Variants in TTC12 observed in about 807,000 individuals in gnomAD.
TTC12 encodes tetratricopeptide repeat domain 12.
Under a neutral mutation model 90.1 loss-of-function variants are expected in TTC12, and 70 were observed. That is an observed-to-expected ratio of 0.78 (90% CI 0.64 to 0.95). The LOEUF (loss-of-function observed/expected upper bound fraction) is 0.95. Among genes scored for constraint, TTC12 ranks in the 40% least tolerant of loss-of-function variants. The pLI is 0.00. For synonymous variants in TTC12, 296 were observed against 311.5 expected (o/e 0.95, Z 0.53); for missense variants, 819 against 846.1 (o/e 0.97, Z 0.40).
chr11:113,349,675 C>T (rs886648655), intron 13 of TTC12, among the ~76,000 whole-genome samples: 4 of 152,096 alleles, frequency 2.6e-5, no homozygotes, highest in East Asian at 1.9e-4. Flanking sequence ...ATCTTTATTC[C>T]GTCACCCACC....
At chr11:113,365,109 T>C (rs1193361697) in intron 21 of TTC12, 49 bp downstream of exon 21, 1 of 1,551,576 alleles carries the variant, frequency 6.4e-7, no homozygotes, top group Non-Finnish European at 8.9e-7. Flanking sequence ...AAAGAGCAGC[T>C]GAGCTGAGGT....
At chr11:113,323,527 A>T in intron 3 of TTC12, 76 bp downstream of exon 3, 3 of 997,876 alleles carry the variant, frequency 3.0e-6, no homozygotes, top group Non-Finnish European at 1.4e-6. Flanking sequence ...TTTAATCTCA[A>T]ACTGTCCAGC....
intron 17 of TTC12, 125 bp from the exon 18 acceptor site, chr11:113,359,815 T>G (rs1555154004): frequency 1.4e-6 from 1 of 702,324 alleles, no homozygotes; most frequent in Non-Finnish European, 2.4e-6. Context: ...AAAGATGGTG[T>G]TGTGAGGGAA....
In TTC12 at chr11:113,335,055, T is replaced by C. The variant is rs1255860570; in HGVS notation, c.576+18T>C. 1.3e-6 allele frequency: 2 copies of C among 1,589,616 alleles called. No homozygotes were observed. The highest frequency in any genetic ancestry group is 1.7e-6 in the Non-Finnish European group (2 of 1,157,894). On this transcript the variant is annotated intron_variant, in intron 8 of 21. Coordinates refer to ENST00000529221, the MANE Select transcript of TTC12 (RefSeq NM_017868.4). ...ACAGTGTGGTAAGTTCTTAGAGGAA[T>C]GTAATTGACATGTTTGATCACAGAC...
chr11:113,317,279 A>G (rs1285055446), intron 2 of TTC12, among the ~76,000 whole-genome samples: 2 of 152,162 alleles, frequency 1.3e-5, no homozygotes, highest in Admixed American at 1.3e-4. Flanking sequence ...TGTGTCCAAA[A>G]TTGAGGCATC....
At chr11:113,362,307 ATTGCTT>A in intron 18 of TTC12, 88 bp from the exon 19 acceptor site, 1 of 835,778 alleles carries the variant, frequency 1.2e-6, no homozygotes, top group Non-Finnish European at 2.0e-6. Flanking sequence ...CAATATAATG[ATTGCTT>A]TTGCCTCACC....
In TTC12 at chr11:113,364,890, C is replaced by T. The variant is rs770456534; in HGVS notation, c.1872C>T (p.Asn624=). ...LSSEDEVLVG[N]AALCLGNCME... ...CGGAGGATGAGGTTCTGGTGGGCAA[C>T]GCTGCCCTCTGCCTTGGTAACTGCA... is the stretch of plus-strand genomic sequence containing the variant. Residue 624 remains asparagine, a synonymous_variant, in exon 21 of 22, where the codon AAC becomes AAT. Transcript: ENST00000529221. 9.9e-6 allele frequency: 16 copies of T among 1,614,082 alleles called. No individual in the cohort carries two copies. Among genetic ancestry groups the T allele is most frequent in the African/African-American group, 2.7e-5 (2 of 74,926 alleles).
intron 21 of TTC12, 47 bp from the exon 22 acceptor site, chr11:113,366,178 T>G (rs1340288513): frequency 1.2e-6 from 2 of 1,605,506 alleles, no homozygotes; most frequent in Non-Finnish European, 1.7e-6. Flanking sequence ...TCCAGAAGCC[T>G]GAACCGTGGC....
chr11:113,358,468 G>C (rs961211062), intron 16 of TTC12, among the ~76,000 whole-genome samples: 6 of 152,178 alleles, frequency 3.9e-5, no homozygotes, highest in Non-Finnish European at 8.8e-5. Context: ...AGACTGCTCA[G>C]CAAGCAGGTG....
At chr11:113,349,889 A>T (rs782472618) in intron 13 of TTC12, among the ~76,000 whole-genome samples, 184 bp from the exon 14 acceptor site, 2 of 152,118 alleles carry the variant, frequency 1.3e-5, no homozygotes, top group Non-Finnish European at 2.9e-5. Flanking sequence ...GGAGCCAACC[A>T]CTTAAGAGTA....
At chr11:113,360,401 T>C (rs1315671380) in intron 18 of TTC12, among the ~76,000 whole-genome samples, 2 of 151,674 alleles carry the variant, frequency 1.3e-5, no homozygotes, top group Non-Finnish European at 1.5e-5. Flanking sequence ...AATCCCTTTT[T>C]TCCATAAGAA....
At position 113,339,269 on chromosome 11, in the gene TTC12, C is replaced by G; in HGVS notation, c.638-17C>G. 1 of 1,581,520 alleles carries G rather than the reference C, an allele frequency of 6.3e-7. No individual in the cohort carries two copies. On this transcript the variant is annotated splice_polypyrimidine_tract_variant and intron_variant, in intron 9 of 21. Transcript: ENST00000529221. ...ATTGTTAGGGTTTTGTTTTGCTTTC[C>G]TTTCTTGTTTTTCTAGGTTACCTGA...
chr11:113,361,310 A>G (rs1467379142), intron 18 of TTC12, among the ~76,000 whole-genome samples: 1 of 152,278 alleles, frequency 6.6e-6, no homozygotes, highest in Non-Finnish European at 1.5e-5. Flanking sequence ...CAAAAAAAGT[A>G]GAGACCTACG....
At position 113,361,945 on chromosome 11, in the gene TTC12, G is replaced by T. The variant is rs1308233950; in HGVS notation, c.1615-456G>T. On this transcript the variant is annotated intron_variant, in intron 18 of 21. Transcript: ENST00000529221. ...ATATCCATAAAAGAGTAACAGCTTGGCATTTATTTAAAAAAAAAAAAAAAG... is the reference window on the plus strand; with the variant it reads ...ATATCCATAAAAGAGTAACAGCTTGTCATTTATTTAAAAAAAAAAAAAAAG... Among the ~76,000 whole-genome samples, 4 of 139,284 alleles carry T rather than the reference G, an allele frequency of 2.9e-5. No individual in the cohort carries two copies. In the East Asian group the frequency reaches 7.8e-4, roughly 27 times the overall value. 91.4% of individuals were successfully genotyped at this position (139,284 alleles called of 152,430 possible).
At chr11:113,368,755 A>G (rs1950296461), downstream of TTC12, 2 of 517,344 alleles carry the variant, frequency 3.9e-6, no homozygotes, top group South Asian at 6.1e-5. Flanking sequence ...AGGTTCAAAT[A>G]AGAGCTTCTT....
Position 113,325,510 on chromosome 11 carries a change from T to C in TTC12, c.323-14T>C, listed in dbSNP as rs782180475. On this transcript the variant is annotated splice_polypyrimidine_tract_variant and intron_variant, in intron 5 of 21. Coordinates refer to ENST00000529221, the MANE Select transcript of TTC12 (RefSeq NM_017868.4). ...TGTGGTGAGAGCTCACCTGTGTAAC[T>C]TATATTCCCATAGCCCTAAAAGAAA... The C allele has an allele frequency of 1.2e-6, 2 of 1,613,578 alleles. No individual in the cohort carries two copies. Among genetic ancestry groups the C allele is most frequent in the Admixed American group, 3.3e-5 (2 of 60,004 alleles).
At chr11:113,364,454 C>T in intron 20 of TTC12, 1 of 284,532 alleles carries the variant, frequency 3.5e-6, no homozygotes, top group South Asian at 4.2e-5. Context: ...TGTTGCATAC[C>T]CTGCAGGTGT....
chr11:113,338,741 A>C (rs782036468), intron 8 of TTC12, 33 bp from the exon 9 acceptor site: 7 of 1,575,506 alleles, frequency 4.4e-6, no homozygotes, highest in Non-Finnish European at 6.1e-6. Context: ...CTTTACCCCA[A>C]CCACTCTTCA....
At chr11:113,361,293 G>T (rs141843205) in intron 18 of TTC12, among the ~76,000 whole-genome samples, 1 of 152,128 alleles carries the variant, frequency 6.6e-6, no homozygotes. Flanking sequence ...AAGCCATTGG[G>T]GGGGAACAAA....
Sources: gnomAD v4.1 joint callset for allele counts (sites outside exome capture counted in the v4.1 genomes callset) on GRCh38, gnomAD v4.1.1 for gene constraint, MANE v1.5 for transcripts, NCBI Gene and HGNC (gene_info 2026-07-23, HGNC 2026-07-21) for gene names.